PDZD8: variants seen among roughly 807,000 people sequenced by gnomAD.
PDZD8 encodes the protein PDZ domain-containing protein 8.
In PDZD8, 14 loss-of-function variants were observed where a neutral mutation model predicts 85.8. The observed-to-expected ratio is 0.16, with a 90% CI of 0.11 to 0.26. The LOEUF (loss-of-function observed/expected upper bound fraction) is 0.26. Among genes scored for constraint, PDZD8 ranks in the 10% least tolerant of loss-of-function variants. The pLI, the probability that PDZD8 is intolerant of heterozygous loss-of-function variation, is 1.00. For missense variants in PDZD8, 1,197 were observed against 1,424.3 expected (o/e 0.84, Z 2.57); for synonymous variants, 592 against 568.6 (o/e 1.04, Z -0.59).
chr10:117,371,397 C>T (rs1446927252), intron 1 of PDZD8, among the ~76,000 whole-genome samples: 7 of 152,128 alleles, frequency 4.6e-5, no homozygotes, highest in Non-Finnish European at 1.5e-5. Flanking sequence ...GTTGGCCAGG[C>T]TGGTCTCACA....
intron 4 of PDZD8, 78 bp downstream of exon 4, chr10:117,290,108 A>AG: frequency 8.0e-7 from 1 of 1,254,144 alleles, no homozygotes; most frequent in Non-Finnish European, 1.1e-6. Flanking sequence ...ATAAGGAAAA[A>AG]GGAAGAAAGG....
intron 3 of PDZD8, among the ~76,000 whole-genome samples, chr10:117,309,006 T>C (rs1011953507): frequency 9.2e-5 from 14 of 152,210 alleles, no homozygotes; most frequent in Admixed American, 9.2e-4. Flanking sequence ...TCCTAAAGTG[T>C]GTGTTTATGT....
intron 2 of PDZD8, among the ~76,000 whole-genome samples, chr10:117,326,133 T>C (rs1472558822): frequency 6.6e-6 from 1 of 152,172 alleles, no homozygotes; most frequent in African/African-American, 2.4e-5. Context: ...TAAACCTCTT[T>C]TCTTTATAAA....
Position 117,358,518 on chromosome 10 carries a change from T to C in PDZD8, c.872+15838A>G, listed in dbSNP as rs117625216. Among the ~76,000 whole-genome samples, 262 of 152,248 alleles carry C rather than the reference T, an allele frequency of 1.7e-3. 5 individuals carry two copies. The East Asian group carries it at 0.035, about 20-fold the overall frequency. On this transcript the variant is annotated intron_variant, in intron 1 of 4. Coordinates refer to ENST00000334464, the MANE Select transcript of PDZD8 (RefSeq NM_173791.5). ...GTCTTTTTTACTGATTGCTAACCCT[T>C]AGTCCTCACTGCTGCATTCCACACC...
chr10:117,342,811 T>C (rs1844639185), intron 1 of PDZD8, among the ~76,000 whole-genome samples: 1 of 152,188 alleles, frequency 6.6e-6, no homozygotes. Flanking sequence ...TTTCTAATCA[T>C]ATATTCTCTT....
At chr10:117,307,120 G>A (rs1843956684) in intron 3 of PDZD8, among the ~76,000 whole-genome samples, 1 of 152,026 alleles carries the variant, frequency 6.6e-6, no homozygotes, top group African/African-American at 2.4e-5. Context: ...GAACACACAA[G>A]CATATTCGTA....
chr10:117,349,582 T>C (rs1295591627), intron 1 of PDZD8, among the ~76,000 whole-genome samples: 1 of 152,154 alleles, frequency 6.6e-6, no homozygotes, highest in African/African-American at 2.4e-5. Context: ...GCAGGCGACC[T>C]GCTTGAGCTC....
At chr10:117,355,872 C>T (rs1844884907) in intron 1 of PDZD8, among the ~76,000 whole-genome samples, 1 of 152,034 alleles carries the variant, frequency 6.6e-6, no homozygotes, top group Non-Finnish European at 1.5e-5. Context: ...ACAATACTTA[C>T]ATTTTTCTGA....
chr10:117,361,286 C>G (rs541443465), intron 1 of PDZD8, among the ~76,000 whole-genome samples: 1 of 152,210 alleles, frequency 6.6e-6, no homozygotes, highest in East Asian at 1.9e-4. Flanking sequence ...CATTACCTTA[C>G]TTTAAGTATA....
Position 117,352,835 on chromosome 10 carries a change from A to G in PDZD8, c.873-11733T>C, listed in dbSNP as rs73391186. Among the ~76,000 whole-genome samples the G allele has an allele frequency of 4.7e-3, 710 of 152,252 alleles. 3 individuals carry two copies. Among genetic ancestry groups the G allele is most frequent in the African/African-American group, 0.016 (680 of 41,536 alleles). Reference sequence around the variant, plus strand: ...GGGAGATAAAATTTGTACTCAAATCACTTCATTCAAAGCTCGTAGGGGAAG... The same window carrying G: ...GGGAGATAAAATTTGTACTCAAATCGCTTCATTCAAAGCTCGTAGGGGAAG... On this transcript the variant is annotated intron_variant, in intron 1 of 4. Transcript: ENST00000334464.
intron 4 of PDZD8, among the ~76,000 whole-genome samples, chr10:117,288,296 T>C (rs1047265796): frequency 3.9e-5 from 6 of 152,034 alleles, no homozygotes; most frequent in African/African-American, 1.4e-4. Context: ...TACAACATGC[T>C]AAAAGAAATA....
chr10:117,308,981 ATCTC>A (rs1564694784), intron 3 of PDZD8, among the ~76,000 whole-genome samples: 1 of 152,076 alleles, frequency 6.6e-6, no homozygotes, highest in Non-Finnish European at 1.5e-5. Context: ...CTCCCAAAAC[ATCTC>A]TCTAATACTT....
At chr10:117,370,968 G>A (rs1255617024) in intron 1 of PDZD8, among the ~76,000 whole-genome samples, 1 of 143,956 alleles carries the variant, frequency 6.9e-6, no homozygotes, top group African/African-American at 2.6e-5. Flanking sequence ...AGGTGGCCTG[G>A]CCTTATCAGA....
chr10:117,375,083 T>C lies in PDZD8; in HGVS notation c.145A>G (p.Lys49Glu), dbSNP rs1355827236. ...CTTAGGAGCAGGCCCGGCACTGGCT[T>C]GATGTAGCGGAAGCCCTCGCCCGCG... is the stretch of plus-strand genomic sequence containing the variant. ...ARAGEGFRYI[K>E]PVPGLLLREY... The change falls in exon 1 of 5, where the codon AAG (lysine) becomes GAG (glutamate). Residue 49 changes from lysine to glutamate, a missense_variant. Coordinates refer to ENST00000334464, the MANE Select transcript of PDZD8 (RefSeq NM_173791.5). 1.3e-6 allele frequency: 2 copies of C among 1,599,686 alleles called. No homozygotes were observed. Among genetic ancestry groups the C allele is most frequent in the Admixed American group, 3.4e-5 (2 of 59,588 alleles).
intron 3 of PDZD8, chr10:117,314,357 A>G (rs1397983510): frequency 2.0e-5 from 3 of 152,182 alleles, no homozygotes; most frequent in Admixed American, 1.3e-4. Flanking sequence ...CAGAAAGAAA[A>G]AGTCCAAAAT....
In PDZD8 at chr10:117,279,990, TTTA is replaced by T. The variant is rs1265967208; in HGVS notation, c.*3275_*3277del. On this transcript the variant is annotated 3_prime_UTR_variant, in exon 5 of 5. Coordinates refer to ENST00000334464, the MANE Select transcript of PDZD8 (RefSeq NM_173791.5). ...TATTCACTTTTAGGGGACTTAACAT[TTTA>T]TTATTTATCTTATTTTTAAGAGCCA... is the stretch of plus-strand genomic sequence containing the variant. 6.6e-6 allele frequency: 1 copy of T among 152,186 alleles called. No individual in the cohort carries two copies. The highest frequency in any genetic ancestry group is 1.5e-5 in the Non-Finnish European group (1 of 68,036). The allele number at this position is 152,186 out of a possible 1,614,324, so 9.4% of individuals were successfully genotyped here.
At position 117,279,164 on chromosome 10, in the gene PDZD8, G is replaced by A. The variant is rs1029124941; in HGVS notation, c.*4104C>T. On this transcript the variant is annotated 3_prime_UTR_variant, in exon 5 of 5. Coordinates refer to ENST00000334464, the MANE Select transcript of PDZD8 (RefSeq NM_173791.5). ...GGAGCAAAAGATAGCTTGTACTTGG[G>A]GAAAAAAATTCTAAGTTCTTTTATA... 7.9e-5 allele frequency: 12 copies of A among 152,024 alleles called. No individual in the cohort carries two copies. Among genetic ancestry groups the A allele is most frequent in the Admixed American group, 3.3e-4 (5 of 15,260 alleles). The allele number at this position is 152,024 out of a possible 1,614,324, so 9.4% of individuals were successfully genotyped here.
intron 2 of PDZD8, among the ~76,000 whole-genome samples, chr10:117,321,863 T>C (rs74159179): frequency 0.028 from 4,221 of 152,212 alleles, 214 homozygotes; most frequent in African/African-American, 0.098. Context: ...AGATATTTGA[T>C]AACAGAAAAC....
rs1589569284 is a variant in PDZD8, at chr10:117,328,683, T to C, written c.996-9709A>G. Among the ~76,000 whole-genome samples, 5 of 152,236 alleles carry C rather than the reference T, an allele frequency of 3.3e-5. No individual in the cohort carries two copies. The South Asian group carries it at 1.0e-3, about 32-fold the overall frequency. On this transcript the variant is annotated intron_variant, in intron 2 of 4. Coordinates refer to ENST00000334464, the MANE Select transcript of PDZD8 (RefSeq NM_173791.5). ...AACCAATCAGTCTTTTTTTTTCCTATTGTTCTATTTCCTTGTTTCTACCTT... is the reference window on the plus strand; with the variant it reads ...AACCAATCAGTCTTTTTTTTTCCTACTGTTCTATTTCCTTGTTTCTACCTT...
Sources: gnomAD v4.1 joint callset for allele counts (sites outside exome capture counted in the v4.1 genomes callset) on GRCh38, gnomAD v4.1.1 for gene constraint, MANE v1.5 for transcripts, NCBI Gene and HGNC (gene_info 2026-07-23, HGNC 2026-07-21) for gene names.